The following CAMK4 variants were observed in gnomAD, a reference collection of about 807,000 sequenced individuals.
CAMK4 encodes calcium/calmodulin-dependent protein kinase type IV.
CAMK4 carries 22 observed loss-of-function variants against 44.9 expected under a neutral mutation model. The observed-to-expected ratio is 0.49, with a 90% CI of 0.35 to 0.70. The LOEUF (loss-of-function observed/expected upper bound fraction) is 0.70. Among genes scored for constraint, CAMK4 ranks in the 30% least tolerant of loss-of-function variants. The pLI is 0.01. For missense variants in CAMK4, 498 were observed against 586.8 expected, an observed-to-expected ratio of 0.85 and a Z score of 1.56; for synonymous variants, 218 against 215.4, an observed-to-expected ratio of 1.01 and a Z score of -0.11.
chr5:111,365,893 T>C (rs1211729390), intron 2 of CAMK4, among the ~76,000 whole-genome samples: 1 of 152,106 alleles, frequency 6.6e-6, no homozygotes, highest in African/African-American at 2.4e-5. Context: ...GCATTTGATT[T>C]TGGGGTGTTC....
intron 7 of CAMK4, among the ~76,000 whole-genome samples, chr5:111,469,172 A>AT (rs1268538049): frequency 6.3e-5 from 2 of 31,974 alleles, no homozygotes; most frequent in Non-Finnish European, 1.1e-4. Context: ...AAAAAAAAAA[A>AT]ATATATATAT....
chr5:111,463,974 A>G (rs1246362323), intron 7 of CAMK4, among the ~76,000 whole-genome samples: 4 of 152,104 alleles, frequency 2.6e-5, no homozygotes, highest in Admixed American at 1.3e-4. Context: ...CTTACCGGCA[A>G]TGGATCCAAA....
At chr5:111,341,650 A>G (rs186054927) in intron 1 of CAMK4, among the ~76,000 whole-genome samples, 4 of 151,464 alleles carry the variant, frequency 2.6e-5, no homozygotes, top group African/African-American at 9.6e-5. Context: ...AGAAATATGT[A>G]ACAATTACAG....
chr5:111,468,195 A>G (rs1248585752), intron 7 of CAMK4, among the ~76,000 whole-genome samples: 3 of 152,164 alleles, frequency 2.0e-5, no homozygotes, highest in Non-Finnish European at 4.4e-5. Context: ...GGGGTGAGGG[A>G]TAAAAAACTA....
intron 5 of CAMK4, among the ~76,000 whole-genome samples, chr5:111,439,468 T>A (rs1342345387): frequency 1.3e-5 from 2 of 152,004 alleles, no homozygotes; most frequent in African/African-American, 4.8e-5. Flanking sequence ...ATAAAGGAGA[T>A]GAAGGAATAG....
chr5:111,385,545 C>T lies in CAMK4; in HGVS notation c.386+8603C>T, dbSNP rs904829210. 1.7e-4 allele frequency among the ~76,000 whole-genome samples: 26 copies of T among 151,722 alleles called. 1 individual carries two copies. The highest frequency in any genetic ancestry group is 1.4e-3 in the Admixed American group (21 of 15,236). On this transcript the variant is annotated intron_variant, in intron 4 of 10. Coordinates refer to ENST00000282356, the MANE Select transcript of CAMK4 (RefSeq NM_001744.6). The stretch of plus-strand genomic sequence containing the variant: ...TAAGTGAATGATTGAATAGTGTGCT[C>T]CTGAGCAATATATATATATGTGTGT...
intron 5 of CAMK4, among the ~76,000 whole-genome samples, chr5:111,439,487 C>T (rs1176956080): frequency 6.6e-6 from 1 of 152,090 alleles, no homozygotes; most frequent in Admixed American, 6.6e-5. Context: ...AGGATAAATT[C>T]AGGTTTCTGG....
chr5:111,249,625 T>C (rs867823044), intron 1 of CAMK4, among the ~76,000 whole-genome samples: 25 of 137,714 alleles, frequency 1.8e-4, no homozygotes, highest in African/African-American at 5.7e-4. Flanking sequence ...TTTATATTTG[T>C]GTGTATATAT....
intron 2 of CAMK4, among the ~76,000 whole-genome samples, chr5:111,354,649 C>T (rs997132254): frequency 6.6e-6 from 1 of 151,864 alleles, no homozygotes; most frequent in Non-Finnish European, 1.5e-5. Flanking sequence ...ATGGAGGTTG[C>T]AGTGAGCTGA....
At chr5:111,395,563 A>G (rs534355641) in intron 5 of CAMK4, among the ~76,000 whole-genome samples, 109 of 152,292 alleles carry the variant, frequency 7.2e-4, no homozygotes, top group African/African-American at 2.4e-3. Flanking sequence ...TTAATTGGAA[A>G]GAAAGAATGT....
intron 1 of CAMK4, among the ~76,000 whole-genome samples, chr5:111,317,455 G>A (rs914671662): frequency 1.3e-5 from 2 of 152,104 alleles, no homozygotes; most frequent in South Asian, 2.1e-4. Flanking sequence ...ATACTCATTC[G>A]TTCAAGCTTA....
At chr5:111,282,056 CA>C (rs58617977) in intron 1 of CAMK4, among the ~76,000 whole-genome samples, 1,818 of 112,302 alleles carry the variant, frequency 0.016, 28 homozygotes, top group African/African-American at 0.046. Flanking sequence ...GACTCCGTCT[CA>C]AAAAAAAAAA....
In CAMK4 at chr5:111,224,753, C is replaced by A; in HGVS notation, c.161+109C>A. 1 of 1,052,438 alleles carries A rather than the reference C, an allele frequency of 9.5e-7. No individual in the cohort carries two copies. Among genetic ancestry groups the A allele is most frequent in the Non-Finnish European group, 1.4e-6 (1 of 734,074 alleles). 65.2% of individuals were successfully genotyped at this position (1,052,438 alleles called of 1,614,324 possible). A position where few individuals can be genotyped will look rare whatever the true frequency, so the allele number is the denominator to read the frequency against. On this transcript the variant is annotated intron_variant, in intron 1 of 10. Transcript: ENST00000282356. The surrounding 1 kb of genome is among the most constrained non-coding windows in gnomAD (Gnocchi z 5.7). ...AGCCTGCCTTCGTGCCCTTCGATTTCTCCCTACCTAGTTAGTGTCTTGAGA... is the reference window on the plus strand; with the variant it reads ...AGCCTGCCTTCGTGCCCTTCGATTTATCCCTACCTAGTTAGTGTCTTGAGA...
chr5:111,418,862 T>C (rs1752913903), intron 5 of CAMK4, among the ~76,000 whole-genome samples: 1 of 152,196 alleles, frequency 6.6e-6, no homozygotes, highest in Non-Finnish European at 1.5e-5. Context: ...TTTTGGTTGG[T>C]TCCAAGTCTT....
At chr5:111,441,635 T>C (rs1753826305) in intron 5 of CAMK4, among the ~76,000 whole-genome samples, 1 of 152,192 alleles carries the variant, frequency 6.6e-6, no homozygotes, top group Non-Finnish European at 1.5e-5. Context: ...TTATGGTTTG[T>C]TTTTTTCTGT....
chr5:111,241,698 T>A (rs1469642492), intron 1 of CAMK4, among the ~76,000 whole-genome samples: 1 of 152,214 alleles, frequency 6.6e-6, no homozygotes, highest in Non-Finnish European at 1.5e-5. Flanking sequence ...TAAATTCTTA[T>A]ATATATAAAA....
intron 1 of CAMK4, among the ~76,000 whole-genome samples, chr5:111,280,779 G>C (rs1018631556): frequency 6.6e-6 from 1 of 152,210 alleles, no homozygotes; most frequent in African/African-American, 2.4e-5. Flanking sequence ...AAGCAGGCTA[G>C]AGAGAAAACA....
chr5:111,249,248 C>A (rs1749371937), intron 1 of CAMK4, among the ~76,000 whole-genome samples: 1 of 152,008 alleles, frequency 6.6e-6, no homozygotes, highest in Non-Finnish European at 1.5e-5. Flanking sequence ...GGGTAAAACC[C>A]AGCCCTGTAA....
chr5:111,262,745 T>G (rs939025258), intron 1 of CAMK4, among the ~76,000 whole-genome samples: 3 of 152,198 alleles, frequency 2.0e-5, no homozygotes, highest in African/African-American at 7.2e-5. Context: ...AATTTATACA[T>G]AGATTGTAAT....
Sources: gnomAD v4.1 joint callset for allele counts (sites outside exome capture counted in the v4.1 genomes callset) on GRCh38, gnomAD v4.1.1 for gene constraint, Gnocchi (gnomAD v3.1) non-coding constraint, MANE v1.5 for transcripts, NCBI Gene and HGNC (gene_info 2026-07-23, HGNC 2026-07-21) for gene names.